The following DLG1 variants were observed in gnomAD, a reference collection of about 807,000 sequenced individuals.
The protein encoded by DLG1 is disks large homolog 1.
A neutral mutation model predicts 123.4 loss-of-function variants in DLG1; 42 were observed. That is an observed-to-expected ratio of 0.34 (90% confidence interval 0.27 to 0.44). The LOEUF (loss-of-function observed/expected upper bound fraction) is 0.44. Among genes scored for constraint, DLG1 ranks in the 20% least tolerant of loss-of-function variants. DLG1 has a pLI of 1.00. For synonymous variants in DLG1, 317 were observed against 356.2 expected, an observed-to-expected ratio of 0.89 and a Z score of 1.24; for missense variants, 942 against 1,082.6, an observed-to-expected ratio of 0.87 and a Z score of 1.82.
At chr3:197,219,043 A>T (rs930447043) in intron 4 of DLG1, among the ~76,000 whole-genome samples, 1 of 152,168 alleles carries the variant, frequency 6.6e-6, no homozygotes, top group African/African-American at 2.4e-5. Context: ...AGGCAGGAGA[A>T]TCGCTTGAAC....
rs1560878255 is a variant in DLG1 at position 197,127,474 on chromosome 3, AT to A, written c.1165+3052del. ...AAAAAAAAAATATATATATATATATATATATATATATATATATATATAAAGT... is the reference window on the plus strand; with the variant it reads ...AAAAAAAAAATATATATATATATATAATATATATATATATATATATAAAGT... On this transcript the variant is annotated intron_variant, in intron 11 of 24. Transcript: ENST00000667157. Among the ~76,000 whole-genome samples, 87 of 110,886 alleles carry A rather than the reference AT, an allele frequency of 7.8e-4. 5 individuals are homozygous for A. The highest frequency in any genetic ancestry group is 4.0e-3 in the Middle Eastern group (1 of 252). 72.7% of individuals were successfully genotyped at this position (110,886 alleles called of 152,430 possible).
At chr3:197,168,223 C>T (rs1441427292) in intron 5 of DLG1, among the ~76,000 whole-genome samples, 2 of 152,214 alleles carry the variant, frequency 1.3e-5, no homozygotes, top group Non-Finnish European at 2.9e-5. Flanking sequence ...CTTAACCCAT[C>T]CCCCTCTCTA....
intron 1 of DLG1, 113 bp downstream of exon 1, chr3:197,298,423 C>A: frequency 2.5e-6 from 1 of 398,756 alleles, no homozygotes; most frequent in South Asian, 1.3e-4. Flanking sequence ...TTTACCTTGC[C>A]CTAGCCCACC....
intron 5 of DLG1, among the ~76,000 whole-genome samples, chr3:197,168,213 C>G (rs1802356241): frequency 6.6e-6 from 1 of 152,202 alleles, no homozygotes; most frequent in Non-Finnish European, 1.5e-5. Flanking sequence ...TTTACAGCAT[C>G]TTAACCCATC....
At chr3:197,218,319 C>CT (rs1228776809) in intron 4 of DLG1, among the ~76,000 whole-genome samples, 3 of 152,134 alleles carry the variant, frequency 2.0e-5, no homozygotes, top group Non-Finnish European at 2.9e-5. Flanking sequence ...ATGAGGAAGC[C>CT]TAAAAAAAGG....
intron 20 of DLG1, among the ~76,000 whole-genome samples, 187 bp from the exon 21 acceptor site, chr3:197,065,996 TTTAC>T (rs1209012331): frequency 2.6e-5 from 4 of 152,240 alleles, no homozygotes; most frequent in African/African-American, 4.8e-5. Flanking sequence ...GATCTTAAAC[TTTAC>T]TTAGTCTTCT....
At chr3:197,264,343 T>A (rs989569527) in intron 4 of DLG1, among the ~76,000 whole-genome samples, 2 of 152,122 alleles carry the variant, frequency 1.3e-5, no homozygotes, top group African/African-American at 4.8e-5. Context: ...AAATCCACAA[T>A]CCAAATGCTC....
intron 4 of DLG1, among the ~76,000 whole-genome samples, chr3:197,269,738 T>C (rs1012120968): frequency 6.6e-6 from 1 of 152,218 alleles, no homozygotes; most frequent in Non-Finnish European, 1.5e-5. Flanking sequence ...TAGGAGGCTA[T>C]AGCAAGAATG....
rs548074662 is a variant in DLG1 at position 197,048,500 on chromosome 3, C to A, written c.2575+3077G>T. On this transcript the variant is annotated intron_variant, in intron 24 of 24. Transcript: ENST00000667157. The stretch of plus-strand genomic sequence containing the variant: ...ACACACGCAAACCATAATGAAATAT[C>A]ACCTTAGACCTGTGTGGATGGCTGT... Among the ~76,000 whole-genome samples, 401 of 152,172 alleles carry A rather than the reference C, an allele frequency of 2.6e-3. 4 individuals carry two copies. Among genetic ancestry groups the A allele is most frequent in the African/African-American group, 9.2e-3 (384 of 41,536 alleles).
chr3:197,150,004 A>G (rs1793084520), intron 5 of DLG1, among the ~76,000 whole-genome samples: 1 of 152,216 alleles, frequency 6.6e-6, no homozygotes, highest in Admixed American at 6.5e-5. Context: ...TTTAAGAAAT[A>G]AATTGCTATT....
intron 4 of DLG1, among the ~76,000 whole-genome samples, chr3:197,233,242 T>C (rs1484751459): frequency 6.6e-6 from 1 of 152,160 alleles, no homozygotes; most frequent in Non-Finnish European, 1.5e-5. Context: ...GCAATACTCA[T>C]ACACTGAAAG....
At chr3:197,190,593 C>A (rs992829036) in intron 5 of DLG1, among the ~76,000 whole-genome samples, 1 of 152,170 alleles carries the variant, frequency 6.6e-6, no homozygotes, top group African/African-American at 2.4e-5. Flanking sequence ...CAACTGTGCC[C>A]GCACATTAGA....
At chr3:197,125,130 G>A (rs1195214334) in intron 11 of DLG1, among the ~76,000 whole-genome samples, 1 of 152,106 alleles carries the variant, frequency 6.6e-6, no homozygotes, top group Non-Finnish European at 1.5e-5. Context: ...GAAAAATAAG[G>A]AAATTCTCTT....
intron 4 of DLG1, among the ~76,000 whole-genome samples, chr3:197,279,849 C>A (rs1768326919): frequency 6.6e-6 from 1 of 152,118 alleles, no homozygotes; most frequent in Non-Finnish European, 1.5e-5. Context: ...AGAATACTTA[C>A]AGTTAAAAAT....
chr3:197,053,509 A>T (rs927945223), intron 23 of DLG1, among the ~76,000 whole-genome samples: 4 of 151,966 alleles, frequency 2.6e-5, no homozygotes, highest in African/African-American at 9.7e-5. Context: ...TGGTGGCTCA[A>T]GCCTGTAATC....
chr3:197,176,224 C>T (rs1806996119), intron 5 of DLG1, among the ~76,000 whole-genome samples: 1 of 151,834 alleles, frequency 6.6e-6, no homozygotes, highest in Admixed American at 6.6e-5. Context: ...GTTTTAGTTC[C>T]CATATGCCCC....
At position 197,125,264 on chromosome 3, in the gene DLG1, C is replaced by G. The variant is rs114725930; in HGVS notation, c.1165+5263G>C. Among the ~76,000 whole-genome samples, 560 of 152,178 alleles carry G rather than the reference C, an allele frequency of 3.7e-3. 4 individuals carry two copies. Among genetic ancestry groups the G allele is most frequent in the African/African-American group, 0.012 (491 of 41,524 alleles). ...AGTGAATTAGGGAAATGTAGTAGGA[C>G]TGCAGGCAAGAGTAAGGCACTATCT... On this transcript the variant is annotated intron_variant, in intron 11 of 24. Coordinates refer to ENST00000667157, the MANE Select transcript of DLG1 (RefSeq NM_001366207.1).
intron 4 of DLG1, among the ~76,000 whole-genome samples, chr3:197,199,143 A>G (rs1293604734): frequency 1.3e-5 from 2 of 152,200 alleles, no homozygotes; most frequent in Non-Finnish European, 2.9e-5. Flanking sequence ...TCTTTTCTGA[A>G]GCTGAAATTG....
rs1738854009 is a variant in DLG1, at chr3:197,065,470, G to GA, written c.2201-23dup. ...GTATCTTTAACAGAAAAAAACTTGG[G>GA]AAAGTGTTTAATATTAAAAAAAAAA... On this transcript the variant is annotated intron_variant, in intron 21 of 24. Transcript: ENST00000667157. The GA allele has an allele frequency of 5.2e-6, 8 of 1,552,818 alleles. No individual in the cohort carries two copies. The East Asian group carries it at 1.6e-4, about 31-fold the overall frequency.
Sources: allele counts gnomAD v4.1 joint callset (sites outside exome capture counted in the v4.1 genomes callset), GRCh38; gene constraint gnomAD v4.1.1; transcripts MANE v1.5; gene names NCBI Gene and HGNC (gene_info 2026-07-23, HGNC 2026-07-21).